Variants in CLEC4E observed in about 807,000 individuals in gnomAD.
The protein encoded by CLEC4E is C-type lectin domain family 4 member E, also known as C-type (calcium dependent, carbohydrate-recognition domain) lectin, superfamily member 9.
In CLEC4E, 21 loss-of-function variants were observed where a neutral mutation model predicts 24.7. The ratio of observed to expected loss-of-function variants is 0.85; its 90% CI spans 0.60 to 1.22. CLEC4E has a LOEUF of 1.22. Ranked by LOEUF, CLEC4E falls within the 50% of genes most tolerant of loss-of-function variation. CLEC4E has a pLI of 0.00. For synonymous variants in CLEC4E, 94 were observed against 85.7 expected (o/e 1.10, Z -0.54); for missense variants, 249 against 254.1 (o/e 0.98, Z 0.14).
At chr12:8,537,305 C>G in intron 3 of CLEC4E, 39 bp from the exon 4 acceptor site, 3 of 1,584,604 alleles carry the variant, frequency 1.9e-6, no homozygotes, top group Non-Finnish European at 2.6e-6. Flanking sequence ...CCCAGGTGAA[C>G]CGAATAAGAA....
rs397732948 is a variant in CLEC4E at position 8,540,836 on chromosome 12, T to TCTC, written c.-40_-39insGAG. On this transcript the variant is annotated 5_prime_UTR_variant, in exon 1 of 6. Transcript: ENST00000299663. ...TTGGTTTTTTGTTTCTCTCTCTCTCTTTTTCTCTCCCTCCCTCTCTTTCTT... is the reference window on the plus strand; with the variant it reads ...TTGGTTTTTTGTTTCTCTCTCTCTCTCTCTTTTCTCTCCCTCCCTCTCTTTCTT... 2.1e-4 allele frequency: 281 copies of TCTC among 1,338,856 alleles called. No homozygotes were observed. Among genetic ancestry groups the TCTC allele is most frequent in the Non-Finnish European group, 2.8e-4 (256 of 930,078 alleles). The allele number at this position is 1,338,856 out of a possible 1,614,324, so 82.9% of individuals were successfully genotyped here.
chr12:8,536,028 C>T (rs929175912), intron 5 of CLEC4E, 62 bp downstream of exon 5: 8 of 930,286 alleles, frequency 8.6e-6, no homozygotes, highest in Non-Finnish European at 1.4e-5. Context: ...AATAATGGAC[C>T]TGATCTATTG....
intron 2 of CLEC4E, 43 bp downstream of exon 2, chr12:8,539,812 T>C (rs754427678): frequency 1.6e-6 from 2 of 1,242,752 alleles, no homozygotes; most frequent in South Asian, 1.2e-5. Context: ...TCTCCTAATA[T>C]GCACCAGGAA....
At chr12:8,537,686 T>G (rs1267562934) in intron 3 of CLEC4E, among the ~76,000 whole-genome samples, 2 of 152,180 alleles carry the variant, frequency 1.3e-5, no homozygotes, top group African/African-American at 4.8e-5. Context: ...ATGGGTTAGA[T>G]GTGGGCGGCA....
intron 3 of CLEC4E, 59 bp downstream of exon 3, chr12:8,539,157 TC>T: frequency 8.3e-7 from 1 of 1,205,182 alleles, no homozygotes; most frequent in Non-Finnish European, 1.2e-6. Context: ...CCAAAGTCAA[TC>T]TAGAAGCCAG....
chr12:8,534,655 T>A lies in CLEC4E; in HGVS notation c.643A>T (p.Lys215Ter), dbSNP rs1359434934. 31 of 1,613,340 alleles carry A rather than the reference T, an allele frequency of 1.9e-5. No homozygotes were observed. The highest frequency in any genetic ancestry group is 2.6e-5 in the Non-Finnish European group (31 of 1,179,658). ...TTCTGTTCTTAAAGAGATTTTCCTTTGTTCAAAGGATTTATTCCTACCATT... is the reference window on the plus strand; with the variant it reads ...TTCTGTTCTTAAAGAGATTTTCCTTAGTTCAAAGGATTTATTCCTACCATT... ...CEMVGINPLN[K>*]GKSL is the part of the protein sequence containing the mutation. Residue 215 changes from lysine (K) to a stop codon, truncating the protein, a stop_gained, in exon 6 of 6, where the codon AAA becomes TAA. Transcript: ENST00000299663. LOFTEE classifies it high-confidence loss of function.
intron 3 of CLEC4E, among the ~76,000 whole-genome samples, chr12:8,538,529 C>T (rs138651983): frequency 0.018 from 2,772 of 152,204 alleles, 98 homozygotes; most frequent in African/African-American, 0.064. Flanking sequence ...TAAATAACAG[C>T]GCAGCCAGAC....
At chr12:8,536,033 C>A in intron 5 of CLEC4E, 57 bp downstream of exon 5, 2 of 957,326 alleles carry the variant, frequency 2.1e-6, no homozygotes, top group Non-Finnish European at 3.4e-6. Flanking sequence ...TGGACCTGAT[C>A]TATTGCAGGT....
At position 8,533,887 on chromosome 12, in the gene CLEC4E, T is replaced by G. The variant is rs754938437; in HGVS notation, c.*751A>C. 4 of 152,156 alleles carry G rather than the reference T, an allele frequency of 2.6e-5. No individual in the cohort carries two copies. In the East Asian group the frequency reaches 5.8e-4, roughly 22 times the overall value. 9.4% of individuals were successfully genotyped at this position (152,156 alleles called of 1,614,324 possible). A position where few individuals can be genotyped will look rare whatever the true frequency, so the allele number is the denominator to read the frequency against. On this transcript the variant is annotated 3_prime_UTR_variant, in exon 6 of 6. Coordinates refer to ENST00000299663, the MANE Select transcript of CLEC4E (RefSeq NM_014358.4). Reference sequence around the variant, plus strand: ...AATGGATGGGCTTGAGACAGGAAAGTGTGGAGATGAATGTTCGCTTAGAAT... The same window carrying G: ...AATGGATGGGCTTGAGACAGGAAAGGGTGGAGATGAATGTTCGCTTAGAAT...
intron 3 of CLEC4E, 43 bp from the exon 4 acceptor site, chr12:8,537,309 A>C: frequency 1.3e-6 from 2 of 1,579,890 alleles, no homozygotes; most frequent in Non-Finnish European, 1.7e-6. Flanking sequence ...GGTGAACCGA[A>C]TAAGAAAACC....
At position 8,534,699 on chromosome 12, in the gene CLEC4E, T is replaced by C. The variant is rs778854931; in HGVS notation, c.599A>G (p.Asn200Ser). The change falls in exon 6 of 6, where the codon AAT becomes AGT. Residue 200 changes from asparagine to serine, a missense_variant. Transcript: ENST00000299663. ...QNWNDVTCFL[N>S]YFRICEMVGI... ...TACCATTTCACAAATCCGAAAATAA[T>C]TGAGGAAACAGGTTACATCATTCCA... 28 of 1,613,882 alleles carry C rather than the reference T, an allele frequency of 1.7e-5. No individual in the cohort carries two copies. The highest frequency in any genetic ancestry group is 2.3e-5 in the Non-Finnish European group (27 of 1,179,924).
intron 4 of CLEC4E, 30 bp from the exon 5 acceptor site, chr12:8,536,235 A>C (rs1443177494): frequency 8.0e-7 from 1 of 1,245,110 alleles, no homozygotes; most frequent in African/African-American, 1.5e-5. Context: ...AAAGGAGATC[A>C]GTTATTTTAG....
chr12:8,536,848 C>T (rs995077393), intron 4 of CLEC4E, among the ~76,000 whole-genome samples: 4 of 152,134 alleles, frequency 2.6e-5, no homozygotes, highest in East Asian at 1.9e-4. Flanking sequence ...ATAAACATAA[C>T]GATTCGTCTA....
Position 8,539,948 on chromosome 12 carries a change from C to G in CLEC4E, c.38-1G>C, listed in dbSNP as rs1565496830. 6.3e-7 allele frequency: 1 copy of G among 1,579,866 alleles called. No homozygotes were observed. The highest frequency in any genetic ancestry group is 1.3e-5 in the African/African-American group (1 of 74,226). On this transcript the variant is annotated splice_acceptor_variant, in intron 1 of 5. Transcript: ENST00000299663. LOFTEE classifies it high-confidence loss of function. ...ATTTGGGAAGAGAAGCATCCTCTCT[C>G]TGTAGAAAGAAAGACACAAACATGA...
rs1940692378 is a variant in CLEC4E at position 8,540,856 on chromosome 12, T to G, written c.-59A>C. 1 of 1,081,686 alleles carries G rather than the reference T, an allele frequency of 9.2e-7. No homozygotes were observed. The highest frequency in any genetic ancestry group is 1.4e-6 in the Non-Finnish European group (1 of 696,770). 67.0% of individuals were successfully genotyped at this position (1,081,686 alleles called of 1,614,324 possible). A position where few individuals can be genotyped will look rare whatever the true frequency, so the allele number is the denominator to read the frequency against. On this transcript the variant is annotated 5_prime_UTR_variant, in exon 1 of 6. Coordinates refer to ENST00000299663, the MANE Select transcript of CLEC4E (RefSeq NM_014358.4). Reference sequence around the variant, plus strand: ...CTCTCTTTTTCTCTCCCTCCCTCTCTTTCTTTCTCCTCAGGAGTGTTTTGT... The same window carrying G: ...CTCTCTTTTTCTCTCCCTCCCTCTCGTTCTTTCTCCTCAGGAGTGTTTTGT...
intron 4 of CLEC4E, among the ~76,000 whole-genome samples, chr12:8,536,614 T>A (rs1362953789): frequency 6.6e-6 from 1 of 152,130 alleles, no homozygotes; most frequent in Non-Finnish European, 1.5e-5. Context: ...TGTAAGATCA[T>A]GAGGATTATC....
At chr12:8,537,035 G>A in intron 4 of CLEC4E, 80 bp downstream of exon 4, 1 of 1,313,024 alleles carries the variant, frequency 7.6e-7, no homozygotes, top group South Asian at 1.6e-5. Flanking sequence ...GTCATTGGGG[G>A]TCAAGCACTG....
intron 3 of CLEC4E, among the ~76,000 whole-genome samples, chr12:8,538,617 G>A (rs1411036616): frequency 6.6e-6 from 1 of 152,166 alleles, no homozygotes; most frequent in Non-Finnish European, 1.5e-5. Flanking sequence ...TTATCTCTTT[G>A]TCTTGTGTCT....
intron 5 of CLEC4E, among the ~76,000 whole-genome samples, chr12:8,535,360 C>A (rs759408954): frequency 2.6e-4 from 40 of 152,196 alleles, no homozygotes; most frequent in African/African-American, 9.2e-4. Flanking sequence ...AATACTGATA[C>A]ATTCCAAGAA....
Sources: allele counts gnomAD v4.1 joint callset (sites outside exome capture counted in the v4.1 genomes callset), GRCh38; gene constraint gnomAD v4.1.1; transcripts MANE v1.5; gene names NCBI Gene and HGNC (gene_info 2026-07-23, HGNC 2026-07-21).